Variants in ANKRD62 observed in about 807,000 individuals in gnomAD.
ANKRD62 encodes the protein ankyrin repeat domain 62, also known as ankyrin repeat domain-containing protein 62.
ANKRD62 carries 61 observed loss-of-function variants against 98.8 expected under a neutral mutation model. That is an observed-to-expected ratio of 0.62 (90% confidence interval 0.50 to 0.76). The LOEUF (loss-of-function observed/expected upper bound fraction) is 0.76. Among genes scored for constraint, ANKRD62 ranks in the 30% least tolerant of loss-of-function variants. The pLI is 0.00. For synonymous variants in ANKRD62, 341 were observed against 367.9 expected, an observed-to-expected ratio of 0.93 and a Z score of 0.84; for missense variants, 933 against 1,082.9, an observed-to-expected ratio of 0.86 and a Z score of 1.94.
chr18:12,168,724 G>A, the ANKRD62 span, among the ~76,000 whole-genome samples: 8 of 152,008 alleles, frequency 5.3e-5, no homozygotes, highest in Middle Eastern at 3.2e-3. Context: ...ATTACCTTGG[G>A]CAGTATGGCC....
At chr18:12,146,348 G>A in the ANKRD62 span, among the ~76,000 whole-genome samples, 3 of 152,062 alleles carry the variant, frequency 2.0e-5, no homozygotes, top group African/African-American at 7.2e-5. Context: ...TAGCCATTTC[G>A]GCCTTCAGTC....
At chr18:12,179,656 C>G in the ANKRD62 span, among the ~76,000 whole-genome samples, 1 of 151,370 alleles carries the variant, frequency 6.6e-6, no homozygotes, top group African/African-American at 2.5e-5. Flanking sequence ...ACTGTCCTTA[C>G]TTTAGAAATG....
chr18:12,121,937 A>G (rs1319458826), intron 10 of ANKRD62, among the ~76,000 whole-genome samples: 1 of 152,012 alleles, frequency 6.6e-6, no homozygotes, highest in Non-Finnish European at 1.5e-5. Flanking sequence ...CCTTTGCTCA[A>G]CTGCTTCCTT....
At chr18:12,121,776 G>A (rs936573271) in intron 10 of ANKRD62, among the ~76,000 whole-genome samples, 1 of 152,148 alleles carries the variant, frequency 6.6e-6, no homozygotes, top group African/African-American at 2.4e-5. Context: ...CCACTGTGTT[G>A]AAAATCATTG....
chr18:12,158,606 A>G, the ANKRD62 span, among the ~76,000 whole-genome samples: 2 of 151,772 alleles, frequency 1.3e-5, no homozygotes, highest in African/African-American at 4.8e-5. Context: ...GCTCACCGCA[A>G]GCTCTGCCTC....
chr18:12,108,919 G>A (rs1909474692), intron 8 of ANKRD62, among the ~76,000 whole-genome samples: 1 of 152,216 alleles, frequency 6.6e-6, no homozygotes, highest in East Asian at 1.9e-4. Context: ...GCACACTGAT[G>A]CAAAATGTGG....
At chr18:12,094,906 G>A (rs1413481557) in intron 1 of ANKRD62, among the ~76,000 whole-genome samples, 1 of 130,826 alleles carries the variant, frequency 7.6e-6, no homozygotes, top group Non-Finnish European at 1.6e-5. Context: ...ACTGGTTGGG[G>A]GTAGAGTTGG....
the ANKRD62 span, among the ~76,000 whole-genome samples, chr18:12,161,738 G>A: frequency 3.9e-5 from 6 of 152,040 alleles, no homozygotes; most frequent in African/African-American, 9.6e-5. Context: ...AAGTGTAATC[G>A]TTTTGAATTT....
the ANKRD62 span, among the ~76,000 whole-genome samples, chr18:12,139,122 C>T: frequency 0.012 from 1,766 of 152,166 alleles, 17 homozygotes; most frequent in African/African-American, 0.019. Context: ...TTAGTTGATG[C>T]AGTTTCTTCC....
downstream of ANKRD62, among the ~76,000 whole-genome samples, chr18:12,132,315 T>C (rs1910017816): frequency 6.6e-6 from 1 of 152,222 alleles, no homozygotes; most frequent in East Asian, 1.9e-4. Context: ...AGTAACGTTG[T>C]AATTGGTTTC....
At chr18:12,109,108 G>A (rs1248522961) in intron 8 of ANKRD62, among the ~76,000 whole-genome samples, 1 of 152,206 alleles carries the variant, frequency 6.6e-6, no homozygotes, top group Non-Finnish European at 1.5e-5. Flanking sequence ...GCTCTTCGAA[G>A]CAGTGCCCCA....
the ANKRD62 span, among the ~76,000 whole-genome samples, chr18:12,135,345 A>G: frequency 6.6e-6 from 1 of 150,968 alleles, no homozygotes; most frequent in Non-Finnish European, 1.5e-5. Flanking sequence ...TTCCAGCTTC[A>G]TCCATGTCCC....
At chr18:12,133,573 A>T (rs578197260), downstream of ANKRD62, among the ~76,000 whole-genome samples, 46 of 151,946 alleles carry the variant, frequency 3.0e-4, no homozygotes, top group Non-Finnish European at 5.9e-4. Flanking sequence ...TATTATAGGC[A>T]TTCTAGTGGT....
At chr18:12,118,263 T>A (rs1487222442) in intron 10 of ANKRD62, among the ~76,000 whole-genome samples, 1 of 152,196 alleles carries the variant, frequency 6.6e-6, no homozygotes, top group Non-Finnish European at 1.5e-5. Context: ...TTTTACCATA[T>A]CCATAGTTTT....
chr18:12,130,673 CTT>C (rs58637656), downstream of ANKRD62, among the ~76,000 whole-genome samples: 107 of 145,616 alleles, frequency 7.3e-4, no homozygotes, highest in Non-Finnish European at 7.3e-4. Context: ...CAATGTTTTA[CTT>C]TTTTTTTTTT....
the ANKRD62 span, among the ~76,000 whole-genome samples, chr18:12,140,393 G>A: frequency 2.0e-5 from 3 of 152,172 alleles, no homozygotes; most frequent in Non-Finnish European, 4.4e-5. Context: ...CTGGTGAGGA[G>A]CTGCGTTCCT....
chr18:12,169,681 T>C, the ANKRD62 span, among the ~76,000 whole-genome samples: 1 of 152,220 alleles, frequency 6.6e-6, no homozygotes, highest in Non-Finnish European at 1.5e-5. Flanking sequence ...TCTTTTTCTA[T>C]TGATAGGGGT....
downstream of ANKRD62, among the ~76,000 whole-genome samples, chr18:12,131,749 G>C (rs1026033175): frequency 1.2e-4 from 18 of 152,028 alleles, no homozygotes; most frequent in African/African-American, 4.3e-4. Flanking sequence ...GTGTGTGTGT[G>C]TGTGTGTGTG....
chr18:12,105,389 A>G (rs1220437189), intron 7 of ANKRD62, among the ~76,000 whole-genome samples: 3 of 152,244 alleles, frequency 2.0e-5, no homozygotes, highest in African/African-American at 4.8e-5. Flanking sequence ...CAAAGACTTA[A>G]GAATGAGGCA....
Sources: gnomAD v4.1 joint callset for allele counts (sites outside exome capture counted in the v4.1 genomes callset) on GRCh38, gnomAD v4.1.1 for gene constraint, MANE v1.5 for transcripts, NCBI Gene and HGNC (gene_info 2026-07-23, HGNC 2026-07-21) for gene names.